The following SUSD4 variants were observed in gnomAD, a reference collection of about 807,000 sequenced individuals.
SUSD4 encodes sushi domain containing 4, also known as sushi domain-containing protein 4.
In SUSD4, 41 loss-of-function variants were observed where a neutral mutation model predicts 50.5. The ratio of observed to expected loss-of-function variants is 0.81; its 90% CI spans 0.63 to 1.05. SUSD4 has a LOEUF of 1.05. SUSD4 is among the 50% of genes least tolerant of loss of function. SUSD4 has a pLI of 0.00. For synonymous variants in SUSD4, 257 were observed against 257.3 expected (o/e 1.00, Z 0.01); for missense variants, 580 against 634.7 (o/e 0.91, Z 0.93).
At position 223,296,934 on chromosome 1, in the gene SUSD4, A is replaced by G. The variant is rs117964107; in HGVS notation, c.149-4283T>C. On this transcript the variant is annotated intron_variant, in intron 2 of 8. Transcript: ENST00000366878. ...ATTAAACCTCTTTCCTTTATAATTTACCAAGCCTCGGGTATGTCCTTATAG... is the reference window on the plus strand; with the variant it reads ...ATTAAACCTCTTTCCTTTATAATTTGCCAAGCCTCGGGTATGTCCTTATAG... Among the ~76,000 whole-genome samples the G allele has an allele frequency of 5.3e-3, 810 of 152,270 alleles. 43 individuals are homozygous for G. In the East Asian group the frequency reaches 0.12, roughly 22 times the overall value.
chr1:223,238,260 G>A (rs1660351269), intron 5 of SUSD4, among the ~76,000 whole-genome samples: 1 of 151,886 alleles, frequency 6.6e-6, no homozygotes, highest in Non-Finnish European at 1.5e-5. Flanking sequence ...CCTGGTTAGA[G>A]GTTTATTGAT....
intron 3 of SUSD4, among the ~76,000 whole-genome samples, chr1:223,271,252 G>C (rs1472228473): frequency 6.6e-6 from 1 of 152,174 alleles, no homozygotes; most frequent in Non-Finnish European, 1.5e-5. Context: ...GTCCCTTTGG[G>C]CATTATGGAC....
chr1:223,354,386 A>G (rs756285233), intron 2 of SUSD4, among the ~76,000 whole-genome samples: 1 of 152,220 alleles, frequency 6.6e-6, no homozygotes, highest in African/African-American at 2.4e-5. Context: ...CAATGCTATA[A>G]ACGGAAGAAT....
chr1:223,270,844 A>G (rs180930724), intron 3 of SUSD4, among the ~76,000 whole-genome samples: 1 of 152,276 alleles, frequency 6.6e-6, no homozygotes, highest in East Asian at 1.9e-4. Flanking sequence ...TACAGGGGTA[A>G]GCCACCACGC....
chr1:223,284,086 TAGGG>T (rs1468326476), intron 3 of SUSD4, among the ~76,000 whole-genome samples: 5 of 123,770 alleles, frequency 4.0e-5, no homozygotes, highest in South Asian at 2.6e-4. Context: ...TGTTGTGGGA[TAGGG>T]GGAGGGGGGA....
chr1:223,235,997 T>C (rs921455993), intron 5 of SUSD4, among the ~76,000 whole-genome samples: 2 of 152,264 alleles, frequency 1.3e-5, no homozygotes, highest in Admixed American at 6.5e-5. Context: ...TGAGAGTTCC[T>C]GTTGCTCCAC....
rs942145616 is a variant in SUSD4, at chr1:223,263,877, C to T, written c.724+753G>A. On this transcript the variant is annotated intron_variant, in intron 5 of 8. Coordinates refer to ENST00000366878, the MANE Select transcript of SUSD4 (RefSeq NM_017982.4). ...TGAAGCGGCTCCTGACTTGAGGTTT[C>T]TTCACTTTTTTCTTTCCCCATATAG... 4.1e-6 allele frequency: 4 copies of T among 985,328 alleles called. No individual in the cohort carries two copies. In the African/African-American group the frequency reaches 7.0e-5, roughly 17 times the overall value. The allele number at this position is 985,328 out of a possible 1,614,324, so 61.0% of individuals were successfully genotyped here. A position where few individuals can be genotyped will look rare whatever the true frequency, so the allele number is the denominator to read the frequency against.
At chr1:223,355,768 G>A (rs144578315) in intron 2 of SUSD4, among the ~76,000 whole-genome samples, 1 of 152,280 alleles carries the variant, frequency 6.6e-6, no homozygotes, top group East Asian at 1.9e-4. Context: ...ACCTTCATTT[G>A]CAAAGAACGT....
intron 4 of SUSD4, 25 bp from the exon 5 acceptor site, chr1:223,264,843 A>G: frequency 1.2e-6 from 2 of 1,607,390 alleles, no homozygotes; most frequent in Non-Finnish European, 1.7e-6. Context: ...AGAAAAAGGG[A>G]AAGATTCCAC....
chr1:223,236,686 G>A (rs1238645229), intron 5 of SUSD4, among the ~76,000 whole-genome samples: 1 of 151,736 alleles, frequency 6.6e-6, no homozygotes, highest in Admixed American at 6.6e-5. Flanking sequence ...CTATTTCTAG[G>A]CTCTCTATTG....
At chr1:223,316,343 C>T (rs911397188) in intron 2 of SUSD4, among the ~76,000 whole-genome samples, 7 of 152,020 alleles carry the variant, frequency 4.6e-5, no homozygotes, top group Non-Finnish European at 8.8e-5. Flanking sequence ...ATGGGGGTGC[C>T]GAAATAATAC....
intron 2 of SUSD4, among the ~76,000 whole-genome samples, chr1:223,323,970 A>G (rs998144644): frequency 6.6e-6 from 1 of 151,958 alleles, no homozygotes; most frequent in African/African-American, 2.4e-5. Flanking sequence ...GCTTATGGGA[A>G]ATACATTTAA....
At chr1:223,359,087 G>A in intron 2 of SUSD4, 1 of 471,080 alleles carries the variant, frequency 2.1e-6, no homozygotes, top group Non-Finnish European at 4.4e-6. Flanking sequence ...ATGCAGAGAG[G>A]GCCGCTGGAC....
At chr1:223,263,208 C>T (rs945740509) in intron 5 of SUSD4, among the ~76,000 whole-genome samples, 1 of 152,160 alleles carries the variant, frequency 6.6e-6, no homozygotes, top group African/African-American at 2.4e-5. Context: ...AGAGCCCCTT[C>T]CATCAGAGGT....
At chr1:223,242,886 A>C (rs1660677629) in intron 5 of SUSD4, among the ~76,000 whole-genome samples, 1 of 152,154 alleles carries the variant, frequency 6.6e-6, no homozygotes, top group South Asian at 2.1e-4. Flanking sequence ...TGGGGAAAAG[A>C]AAGCATCTGC....
intron 4 of SUSD4, among the ~76,000 whole-genome samples, chr1:223,266,240 T>TCC (rs71879086): frequency 0.062 from 9,369 of 152,172 alleles, 848 homozygotes; most frequent in African/African-American, 0.19. Flanking sequence ...TTGTAGACAG[T>TCC]CCCATAACCT....
At chr1:223,338,208 C>A (rs1331114636) in intron 2 of SUSD4, among the ~76,000 whole-genome samples, 2 of 152,116 alleles carry the variant, frequency 1.3e-5, no homozygotes, top group East Asian at 1.9e-4. Flanking sequence ...GGCAGTCAGG[C>A]TTTTTTAAAA....
chr1:223,281,857 A>T (rs182966382), intron 3 of SUSD4, among the ~76,000 whole-genome samples: 1,850 of 152,284 alleles, frequency 0.012, 41 homozygotes, highest in African/African-American at 0.042. Context: ...CTGGCAAACC[A>T]AATCCAGCAG....
intron 2 of SUSD4, among the ~76,000 whole-genome samples, chr1:223,347,099 A>G (rs1367329568): frequency 1.3e-5 from 2 of 152,076 alleles, no homozygotes; most frequent in Non-Finnish European, 2.9e-5. Flanking sequence ...TAGCAGGTAC[A>G]TATATTTATG....
Sources: gnomAD v4.1 joint callset for allele counts (sites outside exome capture counted in the v4.1 genomes callset) on GRCh38, gnomAD v4.1.1 for gene constraint, MANE v1.5 for transcripts, NCBI Gene and HGNC (gene_info 2026-07-23, HGNC 2026-07-21) for gene names.